The following RC3H2 variants were observed in gnomAD, a reference collection of about 807,000 sequenced individuals.
RC3H2 encodes roquin-2.
A neutral mutation model predicts 133.3 loss-of-function variants in RC3H2; 31 were observed. The ratio of observed to expected loss-of-function variants is 0.23; its 90% CI spans 0.17 to 0.31. The LOEUF is 0.31. Ranked by LOEUF, RC3H2 falls within the 10% of genes least tolerant of loss-of-function variation. RC3H2 has a pLI of 1.00. For missense variants in RC3H2, 1,175 were observed against 1,437.2 expected (o/e 0.82, Z 2.95); for synonymous variants, 517 against 502.2 (o/e 1.03, Z -0.40).
chr9:122,856,911 C>T (rs1830272119), intron 13 of RC3H2, among the ~76,000 whole-genome samples: 1 of 152,182 alleles, frequency 6.6e-6, no homozygotes, highest in Non-Finnish European at 1.5e-5. Flanking sequence ...AAGCAAGTGG[C>T]ATCTAGCAAG....
chr9:122,879,216 T>G (rs963631772), intron 8 of RC3H2, among the ~76,000 whole-genome samples: 10 of 151,278 alleles, frequency 6.6e-5, no homozygotes, highest in Admixed American at 6.6e-4. Context: ...GCCAACATGG[T>G]AAAACCCTCT....
rs1588046568 is a variant in RC3H2, at chr9:122,850,498, T to G, written c.3380+583A>C. Among the ~76,000 whole-genome samples the G allele has an allele frequency of 2.0e-5, 3 of 147,346 alleles. No homozygotes were observed. In the South Asian group the frequency reaches 6.4e-4, roughly 31 times the overall value. On this transcript the variant is annotated intron_variant, in intron 20 of 20. Transcript: ENST00000357244. ...TCTCAGTCTGTCGCCCAGGCTGGAG[T>G]GCAGTGTCACGATCTTGGCTCACTG...
chr9:122,866,246 A>G lies in RC3H2; in HGVS notation c.1326-589T>C, dbSNP rs1738787252. Among the ~76,000 whole-genome samples the G allele has an allele frequency of 2.0e-5, 3 of 152,266 alleles. No individual in the cohort carries two copies. The South Asian group carries it at 6.2e-4, about 32-fold the overall frequency. ...AAAGTTAAAAACATTTGTATGAAAG[A>G]TTTTTCTGATACTAAGTTTTGAGTT... On this transcript the variant is annotated intron_variant, in intron 9 of 20. Coordinates refer to ENST00000357244, the MANE Select transcript of RC3H2 (RefSeq NM_001100588.3).
intron 9 of RC3H2, among the ~76,000 whole-genome samples, chr9:122,867,495 G>A (rs1336987550): frequency 1.4e-5 from 2 of 143,852 alleles, no homozygotes; most frequent in African/African-American, 5.1e-5. Flanking sequence ...CGCCCTGTCG[G>A]GGATGTGAGG....
chr9:122,846,832 C>T lies in RC3H2; in HGVS notation c.*2795G>A, dbSNP rs1829880407. ...TCCTAGGTCTGATTTGTAACATTTT[C>T]CTCGATGATATCAGTAGGTACCATT... is the stretch of plus-strand genomic sequence containing the variant. On this transcript the variant is annotated 3_prime_UTR_variant, in exon 21 of 21. Coordinates refer to ENST00000357244, the MANE Select transcript of RC3H2 (RefSeq NM_001100588.3). 1 of 152,080 alleles carries T rather than the reference C, an allele frequency of 6.6e-6. No homozygotes were observed. The highest frequency in any genetic ancestry group is 6.6e-5 in the Admixed American group (1 of 15,250). 9.4% of individuals were successfully genotyped at this position (152,080 alleles called of 1,614,324 possible).
intron 1 of RC3H2, 104 bp downstream of exon 1, chr9:122,905,006 G>A (rs1458110702): frequency 1.2e-6 from 1 of 826,226 alleles, no homozygotes; most frequent in Non-Finnish European, 1.5e-6. Flanking sequence ...CACCAGGGGC[G>A]ACAGCGCACA....
chr9:122,863,412 T>A (rs1830529580), intron 10 of RC3H2, among the ~76,000 whole-genome samples: 1 of 152,176 alleles, frequency 6.6e-6, no homozygotes, highest in African/African-American at 2.4e-5. Context: ...GTCCCTAATA[T>A]AAGCCTTCAG....
At position 122,879,768 on chromosome 9, in the gene RC3H2, T is replaced by A; in HGVS notation, c.1199A>T (p.His400Leu). The A allele has an allele frequency of 7.5e-6, 12 of 1,608,072 alleles. No individual in the cohort carries two copies. The highest frequency in any genetic ancestry group is 8.5e-6 in the Non-Finnish European group (10 of 1,175,696). The change falls in exon 8 of 21, where the codon CAT becomes CTT. Residue 400 changes from histidine (H) to leucine (L), a missense_variant. Around this residue, in one of 8 missense-constraint regions of RC3H2, gnomAD observed 131 missense variants for 154.2 expected, o/e 0.85. Coordinates refer to ENST00000357244, the MANE Select transcript of RC3H2 (RefSeq NM_001100588.3). ...AAATGTACTTACCTGAGGGGTCTCA[T>A]GGCCTTTTCTACTATAATTTTGTAT... ...DFIQNYSRKGHETPQPQPNSK... is the reference protein window; with the variant it reads ...DFIQNYSRKGLETPQPQPNSK...
intron 8 of RC3H2, 122 bp downstream of exon 8, chr9:122,879,633 T>C (rs1831512906): frequency 1.5e-6 from 1 of 665,808 alleles, no homozygotes; most frequent in South Asian, 2.2e-5. Flanking sequence ...CCCAAAAGAA[T>C]AGAGATGATA....
At chr9:122,880,880 G>T in intron 5 of RC3H2, 86 bp from the exon 6 acceptor site, 1 of 923,660 alleles carries the variant, frequency 1.1e-6, no homozygotes, top group Non-Finnish European at 1.7e-6. Context: ...AGGGAGGGTG[G>T]GGGATACTTA....
chr9:122,899,973 A>G (rs887519355), intron 1 of RC3H2, among the ~76,000 whole-genome samples: 11 of 152,228 alleles, frequency 7.2e-5, no homozygotes, highest in Non-Finnish European at 1.0e-4. Context: ...ATTAAAGCAC[A>G]TAAGTGTGGG....
intron 2 of RC3H2, 146 bp from the exon 3 acceptor site, chr9:122,893,172 C>A: frequency 1.7e-6 from 2 of 1,192,520 alleles, no homozygotes; most frequent in Non-Finnish European, 2.2e-6. Context: ...AAATTAAAGT[C>A]AAACACCTAG....
At chr9:122,850,082 T>C (rs1339311666) in intron 20 of RC3H2, among the ~76,000 whole-genome samples, 1 of 152,006 alleles carries the variant, frequency 6.6e-6, no homozygotes, top group Non-Finnish European at 1.5e-5. Flanking sequence ...ATTCAAGCAA[T>C]TCTCCTGCCT....
In RC3H2 at chr9:122,857,955, A is replaced by T. The variant is rs375822652; in HGVS notation, c.2422T>A (p.Ser808Thr). 6.2e-7 allele frequency: 1 copy of T among 1,614,168 alleles called. No homozygotes were observed. The highest frequency in any genetic ancestry group is 8.5e-7 in the Non-Finnish European group (1 of 1,179,974). The change falls in exon 13 of 21, where the codon TCT becomes ACT. Residue 808 changes from serine to threonine, a missense_variant. Transcript: ENST00000357244. The stretch of plus-strand genomic sequence containing the variant: ...CGAAAGTCTACACTGAACAGAGGAG[A>T]AGGTGGTGTTGGTGACTGTGTTGCC... ...PVATQSPTPP[S>T]PLFSVDFRAD...
chr9:122,866,818 G>C (rs894545568), intron 9 of RC3H2, among the ~76,000 whole-genome samples: 100 of 152,162 alleles, frequency 6.6e-4, no homozygotes, highest in Non-Finnish European at 1.3e-3. Flanking sequence ...GCCTATGCCC[G>C]GCCGCCACCC....
intron 3 of RC3H2, among the ~76,000 whole-genome samples, chr9:122,891,640 C>CCCAGCACTAGAAGAATG (rs1832178955): frequency 6.6e-6 from 1 of 152,202 alleles, no homozygotes; most frequent in Non-Finnish European, 1.5e-5. Context: ...ACTAATGTAT[C>CCCAGCACTAGAAGAATG]CCAGCACTAG....
chr9:122,890,337 A>C lies in RC3H2; in HGVS notation c.558T>G (p.Ala186=). The change falls in exon 4 of 21, where the codon GCT becomes GCG. Residue 186 remains alanine (A), a synonymous_variant. Coordinates refer to ENST00000357244, the MANE Select transcript of RC3H2 (RefSeq NM_001100588.3). ...CTGGCCCTAAAAACTGGCATCCTCG[A>C]GCCCTGACAGCGGCCCATAGATTGG... ...LSANLWAAVR[A]RGCQFLGPAM... The C allele has an allele frequency of 6.2e-7, 1 of 1,614,134 alleles. No homozygotes were observed. The highest frequency in any genetic ancestry group is 2.2e-5 in the East Asian group (1 of 44,874).
chr9:122,903,336 T>C (rs1269583669), intron 1 of RC3H2, among the ~76,000 whole-genome samples: 1 of 152,232 alleles, frequency 6.6e-6, no homozygotes, highest in Admixed American at 6.5e-5. Context: ...CAGTAAGTAG[T>C]TACTAAAACC....
In RC3H2 at chr9:122,880,688, A is replaced by G. The variant is rs765763965; in HGVS notation, c.866T>C (p.Met289Thr). 4 of 1,614,156 alleles carry G rather than the reference A, an allele frequency of 2.5e-6. No homozygotes were observed. The highest frequency in any genetic ancestry group is 2.2e-5 in the East Asian group (1 of 44,868). ...EHDAQIVHIA[M>T]EAGLRISPEQ... is the part of the protein sequence containing the mutation. ...AGGTGAAATACGGAGTCCTGCTTCC[A>G]TGGCAATATGAACAATTTGGGCATC... Residue 289 changes from methionine to threonine, a missense_variant, in exon 6 of 21, where the codon ATG becomes ACG. This residue lies in a region of RC3H2 where 121 missense variants were observed against 243.5 expected (regional missense o/e 0.50). Coordinates refer to ENST00000357244, the MANE Select transcript of RC3H2 (RefSeq NM_001100588.3).
Sources: allele counts gnomAD v4.1 joint callset (sites outside exome capture counted in the v4.1 genomes callset), GRCh38; gene constraint gnomAD v4.1.1; regional missense constraint gnomAD v4.1.1; transcripts MANE v1.5; gene names NCBI Gene and HGNC (gene_info 2026-07-23, HGNC 2026-07-21).